ADGRE1: variants seen among roughly 807,000 people sequenced by gnomAD.
The protein encoded by ADGRE1 is EGF-like module receptor 1.
In ADGRE1, 82 loss-of-function variants were observed where a neutral mutation model predicts 102.7. The observed-to-expected ratio is 0.80, with a 90% CI of 0.67 to 0.96. ADGRE1 has a LOEUF of 0.96. Among genes scored for constraint, ADGRE1 ranks in the 40% least tolerant of loss-of-function variants. The pLI is 0.00. For synonymous variants in ADGRE1, 398 were observed against 399.6 expected, an observed-to-expected ratio of 1.00 and a Z score of 0.05; for missense variants, 1,032 against 1,085.3, an observed-to-expected ratio of 0.95 and a Z score of 0.69.
At chr19:6,914,036 A>G (rs547413902) in intron 11 of ADGRE1, among the ~76,000 whole-genome samples, 8 of 152,390 alleles carry the variant, frequency 5.2e-5, no homozygotes, top group Non-Finnish European at 8.8e-5. Context: ...TGCTAAGACC[A>G]TATCATTAAT....
intron 8 of ADGRE1, among the ~76,000 whole-genome samples, 195 bp downstream of exon 8, chr19:6,904,377 A>C (rs2546141): frequency 0.44 from 66,987 of 151,676 alleles, 17,860 homozygotes; most frequent in African/African-American, 0.75. Flanking sequence ...GTTAAACAGG[A>C]CCCTGCAGTA....
intron 2 of ADGRE1, among the ~76,000 whole-genome samples, chr19:6,892,362 A>C (rs776463240): frequency 4.6e-5 from 7 of 152,140 alleles, no homozygotes; most frequent in Non-Finnish European, 1.0e-4. Context: ...CCATACTCCT[A>C]ATTGATGTTG....
At chr19:6,901,661 T>G (rs1253058732) in intron 5 of ADGRE1, among the ~76,000 whole-genome samples, 1 of 152,188 alleles carries the variant, frequency 6.6e-6, no homozygotes, top group East Asian at 1.9e-4. Flanking sequence ...TTACATGCTA[T>G]TGGCTAGAAT....
chr19:6,913,890 G>C, intron 11 of ADGRE1, 60 bp downstream of exon 11: 1 of 1,488,784 alleles, frequency 6.7e-7, no homozygotes, highest in Non-Finnish European at 9.0e-7. Context: ...AGTTGACTTT[G>C]GCAATGGGAT....
Position 6,906,465 on chromosome 19 carries a change from C to T in ADGRE1, c.982C>T (p.Pro328Ser). ...VLFKCKEDVIPDNKQIQQCQE... is the reference protein window; with the variant it reads ...VLFKCKEDVISDNKQIQQCQE... ...CTTCAAATGTAAGGAAGATGTGATACCCGATAATAAGCAGATCCAGCAATG... is the reference window on the plus strand; with the variant it reads ...CTTCAAATGTAAGGAAGATGTGATATCCGATAATAAGCAGATCCAGCAATG... Residue 328 changes from proline to serine, a missense_variant, in exon 9 of 21, where the codon CCC becomes TCC. Coordinates refer to ENST00000312053, the MANE Select transcript of ADGRE1 (RefSeq NM_001974.5). 6.2e-7 allele frequency: 1 copy of T among 1,613,604 alleles called. No homozygotes were observed.
Position 6,908,587 on chromosome 19 carries a change from C to T in ADGRE1, c.1039-102C>T, listed in dbSNP as rs183783532. 176 of 972,154 alleles carry T rather than the reference C, an allele frequency of 1.8e-4. 1 individual carries two copies. Among genetic ancestry groups the T allele is most frequent in the Middle Eastern group, 9.0e-4 (4 of 4,440 alleles). 60.2% of individuals were successfully genotyped at this position (972,154 alleles called of 1,614,324 possible). A position where few individuals can be genotyped will look rare whatever the true frequency, so the allele number is the denominator to read the frequency against. On this transcript the variant is annotated intron_variant, in intron 9 of 20. Transcript: ENST00000312053. ...TAGAGACTCAGGAATTCAGAGCCAC[C>T]TCATATGATGGGCTTTATGGGCTAA... is the stretch of plus-strand genomic sequence containing the variant.
chr19:6,899,896 T>C (rs1226191032), intron 5 of ADGRE1, among the ~76,000 whole-genome samples: 1 of 151,412 alleles, frequency 6.6e-6, no homozygotes, highest in Admixed American at 6.6e-5. Flanking sequence ...ATGGAGACCA[T>C]CCTGGCTAAC....
In ADGRE1 at chr19:6,890,521, C is replaced by G. The variant is rs997810578; in HGVS notation, c.72C>G (p.Pro24=). The G allele has an allele frequency of 1.1e-5, 17 of 1,612,094 alleles. No homozygotes were observed. Among genetic ancestry groups the G allele is most frequent in the Non-Finnish European group, 1.3e-5 (15 of 1,179,498 alleles). Residue 24 remains proline (P), a synonymous_variant, in exon 2 of 21, where the codon CCC becomes CCG. Transcript: ENST00000312053. ...ACAGCTGGGAAGGGCACATAAGACC[C>G]ACACGGAAACCAAACACAAAGGGTA... is the stretch of plus-strand genomic sequence containing the variant. The part of the protein sequence containing the change: ...VMHSWEGHIR[P]TRKPNTKGNN...
chr19:6,913,945 C>A, intron 11 of ADGRE1, 115 bp downstream of exon 11: 2 of 1,204,810 alleles, frequency 1.7e-6, no homozygotes, highest in Non-Finnish European at 2.3e-6. Context: ...TGTTTAAAAA[C>A]TTTGAATTCA....
At chr19:6,888,325 T>G (rs182765912) in intron 1 of ADGRE1, among the ~76,000 whole-genome samples, 1 of 152,288 alleles carries the variant, frequency 6.6e-6, no homozygotes, top group Non-Finnish European at 1.5e-5. Flanking sequence ...AGTCTGGGGT[T>G]GAGGAGGGGC....
At chr19:6,930,891 G>A (rs1055383392) in intron 17 of ADGRE1, among the ~76,000 whole-genome samples, 21 of 151,986 alleles carry the variant, frequency 1.4e-4, no homozygotes, top group African/African-American at 4.8e-4. Context: ...CACCCGCCTC[G>A]ACCTCCCAAA....
At chr19:6,932,311 A>G (rs1488415822) in intron 17 of ADGRE1, among the ~76,000 whole-genome samples, 1 of 151,848 alleles carries the variant, frequency 6.6e-6, no homozygotes, top group African/African-American at 2.4e-5. Context: ...CACTAAAAAT[A>G]CAAAAAATCA....
chr19:6,915,407 G>C (rs2641599), intron 11 of ADGRE1, among the ~76,000 whole-genome samples: 28,965 of 152,100 alleles, frequency 0.19, 2,986 homozygotes, highest in Non-Finnish European at 0.22. Flanking sequence ...CCATTATCTA[G>C]TTTATTTTCA....
intron 6 of ADGRE1, 65 bp from the exon 7 acceptor site, chr19:6,903,745 A>G: frequency 1.3e-6 from 2 of 1,597,574 alleles, no homozygotes; most frequent in Middle Eastern, 3.5e-4. Context: ...ATATTTTGCA[A>G]AGGGAAGCAT....
chr19:6,889,687 CAAAAAAAAAAAAAAA>C (rs1178774112), intron 1 of ADGRE1, among the ~76,000 whole-genome samples: 1 of 41,772 alleles, frequency 2.4e-5, no homozygotes, highest in Non-Finnish European at 4.3e-5. Flanking sequence ...GACTCCATCT[CAAAAAAAAAAAAAAA>C]AAAAAAAAGG....
chr19:6,889,774 C>A (rs1230970608), intron 1 of ADGRE1, among the ~76,000 whole-genome samples: 2 of 151,062 alleles, frequency 1.3e-5, no homozygotes, highest in Non-Finnish European at 2.9e-5. Flanking sequence ...TACTGTATAC[C>A]TATATATGTA....
rs1041532219 is a variant in ADGRE1, at chr19:6,906,432, G to A, written c.950-1G>A. The A allele has an allele frequency of 6.2e-7, 1 of 1,611,424 alleles. No individual in the cohort carries two copies. The highest frequency in any genetic ancestry group is 1.3e-5 in the African/African-American group (1 of 74,964). ...TTTGGTTGCTGTTGTTTTCTTCCTAGGGGTTCTCTTCAAATGTAAGGAAGA... is the reference window on the plus strand; with the variant it reads ...TTTGGTTGCTGTTGTTTTCTTCCTAAGGGTTCTCTTCAAATGTAAGGAAGA... On this transcript the variant is annotated splice_acceptor_variant, in intron 8 of 20. Coordinates refer to ENST00000312053, the MANE Select transcript of ADGRE1 (RefSeq NM_001974.5). LOFTEE classifies it high-confidence loss of function.
intron 10 of ADGRE1, among the ~76,000 whole-genome samples, chr19:6,911,732 A>G: frequency 6.6e-6 from 1 of 151,822 alleles, no homozygotes; most frequent in Admixed American, 6.6e-5. Context: ...CCCCACATGC[A>G]CACACATGCA....
At chr19:6,906,569 AT>A (rs1178190178) in intron 9 of ADGRE1, 48 bp downstream of exon 9, 2 of 1,545,498 alleles carry the variant, frequency 1.3e-6, no homozygotes, top group African/African-American at 2.7e-5. Flanking sequence ...CTTAGAAGCC[AT>A]TTAGGTAGAA....
Sources: gnomAD v4.1 joint callset for allele counts (sites outside exome capture counted in the v4.1 genomes callset) on GRCh38, gnomAD v4.1.1 for gene constraint, MANE v1.5 for transcripts, NCBI Gene and HGNC (gene_info 2026-07-23, HGNC 2026-07-21) for gene names.